The following CELSR1 variants were observed in gnomAD, a reference collection of about 807,000 sequenced individuals.
The protein encoded by CELSR1 is adhesion G protein-coupled receptor C1.
CELSR1 carries 110 observed loss-of-function variants against 249.1 expected under a neutral mutation model. The ratio of observed to expected loss-of-function variants is 0.44; its 90% CI spans 0.38 to 0.52. CELSR1 has a LOEUF of 0.52. Among genes scored for constraint, CELSR1 ranks in the 20% least tolerant of loss-of-function variants. The pLI is 0.00. For missense variants in CELSR1, 4,109 were observed against 4,296.4 expected, an observed-to-expected ratio of 0.96 and a Z score of 1.22; for synonymous variants, 2,113 against 1,900.0, an observed-to-expected ratio of 1.11 and a Z score of -2.92.
chr22:46,490,373 G>A lies in CELSR1; in HGVS notation c.3545-26028C>T, dbSNP rs550049341. 3.2e-4 allele frequency among the ~76,000 whole-genome samples: 49 copies of A among 152,150 alleles called. No individual in the cohort carries two copies. The highest frequency in any genetic ancestry group is 3.5e-4 in the Non-Finnish European group (24 of 67,994). On this transcript the variant is annotated intron_variant, in intron 1 of 34. Coordinates refer to ENST00000674500, the MANE Select transcript of CELSR1 (RefSeq NM_001378328.1). This position sits in a 1 kb window ranked among gnomAD's most constrained non-coding sequence, Gnocchi z 5.2. ...GCAATCTTGGCTCACTCCAACCTCC[G>A]CCTCCCGAGTTCAACCAATTCTTCT...
rs779831372 is a variant in CELSR1 at position 46,397,851 on chromosome 22, G to A, written c.5527-3C>T. The A allele has an allele frequency of 5.8e-6, 9 of 1,549,546 alleles. No homozygotes were observed. Among genetic ancestry groups the A allele is most frequent in the Non-Finnish European group, 7.9e-6 (9 of 1,144,276 alleles). The stretch of plus-strand genomic sequence containing the variant: ...GGCGTCCCCCCCATCCTCACTCCCT[G>A]CATTAAGTAAACGGCACTGGGGCTA... On this transcript the variant is annotated splice_region_variant and splice_polypyrimidine_tract_variant and intron_variant, in intron 11 of 34. Coordinates refer to ENST00000674500, the MANE Select transcript of CELSR1 (RefSeq NM_001378328.1).
intron 2 of CELSR1, among the ~76,000 whole-genome samples, chr22:46,443,301 G>T (rs1023461524): frequency 1.3e-5 from 2 of 152,206 alleles, no homozygotes; most frequent in African/African-American, 4.8e-5. Flanking sequence ...CACAGGCCAG[G>T]GGGGTGCTTT....
chr22:46,496,094 T>C (rs1229017113), intron 1 of CELSR1, among the ~76,000 whole-genome samples: 1 of 151,264 alleles, frequency 6.6e-6, no homozygotes, highest in Non-Finnish European at 1.5e-5. Flanking sequence ...CTCGGGAGGC[T>C]GAGGCAGGAG....
At chr22:46,465,850 C>A (rs959265315) in intron 1 of CELSR1, among the ~76,000 whole-genome samples, 2 of 152,220 alleles carry the variant, frequency 1.3e-5, no homozygotes, top group Non-Finnish European at 2.9e-5. Flanking sequence ...AAATTTCACA[C>A]CCAGAAACGC....
rs544066927 is a variant in CELSR1 at position 46,362,834 on chromosome 22, C to G, written c.*389G>C. On this transcript the variant is annotated 3_prime_UTR_variant, in exon 35 of 35. Coordinates refer to ENST00000674500, the MANE Select transcript of CELSR1 (RefSeq NM_001378328.1). ...GATGCCCGCCTGGGCGGGGCTGGAC[C>G]GCGGTCTTTGGTCTGTGCCCGGCGT... The G allele has an allele frequency of 3.9e-4, 130 of 333,470 alleles. 3 individuals are homozygous for G. The South Asian group carries it at 9.1e-3, about 23-fold the overall frequency. The allele number at this position is 333,470 out of a possible 1,614,324, so 20.7% of individuals were successfully genotyped here.
chr22:46,480,507 A>G (rs868851853), intron 1 of CELSR1, among the ~76,000 whole-genome samples: 3 of 152,260 alleles, frequency 2.0e-5, no homozygotes, highest in African/African-American at 7.2e-5. Context: ...ACACAAAACC[A>G]GGAAAACAAA....
intron 1 of CELSR1, among the ~76,000 whole-genome samples, chr22:46,474,096 G>A (rs2080182795): frequency 1.3e-5 from 2 of 152,192 alleles, no homozygotes; most frequent in Non-Finnish European, 2.9e-5. Context: ...AAGCCGGACT[G>A]TAGAAAGGCC....
chr22:46,530,769 C>T (rs2080783354), intron 1 of CELSR1, among the ~76,000 whole-genome samples: 1 of 152,182 alleles, frequency 6.6e-6, no homozygotes, highest in Admixed American at 6.6e-5. Flanking sequence ...AATGAACTGC[C>T]CCCACCACGT....
intron 1 of CELSR1, among the ~76,000 whole-genome samples, chr22:46,514,451 C>T (rs374724626): frequency 2.0e-5 from 3 of 152,162 alleles, no homozygotes; most frequent in African/African-American, 4.8e-5. Flanking sequence ...CTCTGATCCC[C>T]GGGGGCCCAA....
At chr22:46,370,495 T>C (rs2078840245) in intron 25 of CELSR1, among the ~76,000 whole-genome samples, 1 of 151,736 alleles carries the variant, frequency 6.6e-6, no homozygotes, top group Non-Finnish European at 1.5e-5. Context: ...GAGGAAGAAA[T>C]GCTCTGAAGC....
chr22:46,482,400 G>C (rs559412127), intron 1 of CELSR1, among the ~76,000 whole-genome samples: 3 of 152,162 alleles, frequency 2.0e-5, no homozygotes, highest in Non-Finnish European at 4.4e-5. Context: ...CTGCCTCCCT[G>C]GGTAGCTGGA....
intron 19 of CELSR1, among the ~76,000 whole-genome samples, chr22:46,385,136 C>G (rs1413011458): frequency 1.3e-5 from 2 of 152,110 alleles, no homozygotes; most frequent in Non-Finnish European, 2.9e-5. Flanking sequence ...ACTCTATCAC[C>G]CAGGCTGGAG....
Position 46,441,152 on chromosome 22 carries a change from CAA to C in CELSR1, c.4184-1743_4184-1742del, listed in dbSNP as rs553328237. ...TAGGTGCCAGAGCGAGACTTCATTT[CAA>C]AAAAAAAAAAAAAAGAGAGACTGCT... is the stretch of plus-strand genomic sequence containing the variant. On this transcript the variant is annotated intron_variant, in intron 2 of 34. Coordinates refer to ENST00000674500, the MANE Select transcript of CELSR1 (RefSeq NM_001378328.1). This position sits in a 1 kb window ranked among gnomAD's most constrained non-coding sequence, Gnocchi z 6.1. Among the ~76,000 whole-genome samples the C allele has an allele frequency of 2.7e-4, 29 of 106,416 alleles. No homozygotes were observed. The highest frequency in any genetic ancestry group is 4.8e-4 in the Admixed American group (5 of 10,410). 69.8% of individuals were successfully genotyped at this position (106,416 alleles called of 152,430 possible). A position where few individuals can be genotyped will look rare whatever the true frequency, so the allele number is the denominator to read the frequency against.
rs923934038 is a variant in CELSR1 at position 46,436,859 on chromosome 22, G to A, written c.4407-570C>T. 3.9e-5 allele frequency among the ~76,000 whole-genome samples: 6 copies of A among 152,050 alleles called. No individual in the cohort carries two copies. Among genetic ancestry groups the A allele is most frequent in the Non-Finnish European group, 5.9e-5 (4 of 68,016 alleles). On this transcript the variant is annotated intron_variant, in intron 3 of 34. Coordinates refer to ENST00000674500, the MANE Select transcript of CELSR1 (RefSeq NM_001378328.1). The surrounding 1 kb of genome is among the most constrained non-coding windows in gnomAD (Gnocchi z 5.9). ...TCCCAGGCTTTGCAGATCACTCAGGGGTCAACCCAGCTGTACTTGCCCTGA... is the reference window on the plus strand; with the variant it reads ...TCCCAGGCTTTGCAGATCACTCAGGAGTCAACCCAGCTGTACTTGCCCTGA...
At chr22:46,365,727 T>C in intron 30 of CELSR1, 38 bp from the exon 31 acceptor site, 1 of 1,499,302 alleles carries the variant, frequency 6.7e-7, no homozygotes, top group African/African-American at 1.4e-5. Flanking sequence ...GTATCATCCG[T>C]CAGGGAACAG....
chr22:46,379,443 A>G (rs2078953686), intron 22 of CELSR1, among the ~76,000 whole-genome samples: 1 of 152,244 alleles, frequency 6.6e-6, no homozygotes, highest in African/African-American at 2.4e-5. Context: ...TCTGGGAATA[A>G]TAAGTGCAAC....
In CELSR1 at chr22:46,527,129, G is replaced by A. The variant is rs959079594; in HGVS notation, c.3544+6498C>T. Among the ~76,000 whole-genome samples, 7 of 152,158 alleles carry A rather than the reference G, an allele frequency of 4.6e-5. No homozygotes were observed. The highest frequency in any genetic ancestry group is 1.9e-4 in the East Asian group (1 of 5,196). On this transcript the variant is annotated intron_variant, in intron 1 of 34. Transcript: ENST00000674500. This position sits in a 1 kb window ranked among gnomAD's most constrained non-coding sequence, Gnocchi z 5.5. ...TCATCTCTAGGATGGAGGTGGCGAC[G>A]GTACTTTCCATACCACAGTGTGGCG...
intron 1 of CELSR1, among the ~76,000 whole-genome samples, chr22:46,474,500 GACCCC>G (rs2080187129): frequency 6.6e-6 from 1 of 152,092 alleles, no homozygotes; most frequent in East Asian, 1.9e-4. Flanking sequence ...GCCTGGTCCT[GACCCC>G]TAGACATTGT....
chr22:46,406,486 C>T lies in CELSR1; in HGVS notation c.5226+2510G>A, dbSNP rs1337433382. 1.3e-5 allele frequency among the ~76,000 whole-genome samples: 2 copies of T among 152,190 alleles called. No homozygotes were observed. The highest frequency in any genetic ancestry group is 1.9e-4 in the East Asian group (1 of 5,202). On this transcript the variant is annotated intron_variant, in intron 9 of 34. Transcript: ENST00000674500. The surrounding 1 kb of genome is among the most constrained non-coding windows in gnomAD (Gnocchi z 5.4). The stretch of plus-strand genomic sequence containing the variant: ...AGCCCCGACCCATCTCCTGAGCCCT[C>T]GCTGATCTGCTGAGGGACTGACCTC...
Sources: gnomAD v4.1 joint callset for allele counts (sites outside exome capture counted in the v4.1 genomes callset) on GRCh38, gnomAD v4.1.1 for gene constraint, Gnocchi (gnomAD v3.1) non-coding constraint, MANE v1.5 for transcripts, NCBI Gene and HGNC (gene_info 2026-07-23, HGNC 2026-07-21) for gene names.